The following IFFO1 variants were observed in gnomAD, a reference collection of about 807,000 sequenced individuals.
IFFO1 encodes the protein intermediate filament family orphan 1.
A neutral mutation model predicts 59.6 loss-of-function variants in IFFO1; 42 were observed. That is an observed-to-expected ratio of 0.70 (90% CI 0.55 to 0.91). The LOEUF is 0.91. Ranked by LOEUF, IFFO1 falls within the 40% of genes least tolerant of loss-of-function variation. The probability of loss-of-function intolerance (pLI) is 0.00; values close to 1 mark genes in which losing one functional copy is unlikely to be tolerated. For missense variants in IFFO1, 711 were observed against 793.2 expected (o/e 0.90, Z 1.24); for synonymous variants, 336 against 342.8 (o/e 0.98, Z 0.22).
At chr12:6,546,845 C>T (rs1275332756) in intron 8 of IFFO1, among the ~76,000 whole-genome samples, 4 of 152,156 alleles carry the variant, frequency 2.6e-5, no homozygotes, top group South Asian at 4.1e-4. Context: ...AGCACCAGCT[C>T]CACTTGCCTC....
chr12:6,553,202 C>T (rs963412732), intron 1 of IFFO1, among the ~76,000 whole-genome samples: 2 of 152,144 alleles, frequency 1.3e-5, no homozygotes, highest in African/African-American at 4.8e-5. Context: ...GCCAGTATCA[C>T]GCACCATCCG....
rs748613556 is a variant in IFFO1 at position 6,548,032 on chromosome 12, C to T, written c.1479+33G>A. The T allele has an allele frequency of 1.4e-5, 21 of 1,536,934 alleles. No individual in the cohort carries two copies. The South Asian group carries it at 2.0e-4, about 15-fold the overall frequency. On this transcript the variant is annotated intron_variant, in intron 8 of 9. Transcript: ENST00000619571. This position sits in a 1 kb window ranked among gnomAD's most constrained non-coding sequence, Gnocchi z 6.1. ...CAGCCCCACTCAAAACCCTCTGGGA[C>T]ACCACGCCCCTGGCTTCCGCTCCTG...
At position 6,550,793 on chromosome 12, in the gene IFFO1, GC is replaced by G. The variant is rs762086963; in HGVS notation, c.835-4del. 256 of 1,613,766 alleles carry G rather than the reference GC, an allele frequency of 1.6e-4. 2 individuals carry two copies. The Admixed American group carries it at 4.2e-3, about 27-fold the overall frequency. ...CAGGCATCAGCCTCCTGGGCTTCCT[GC>G]AGTTGGGAGAAACCCTGATGTTGGT... On this transcript the variant is annotated splice_polypyrimidine_tract_variant and splice_region_variant and intron_variant, in intron 2 of 9. Transcript: ENST00000619571.
At chr12:6,554,941 A>C (rs1207986576) in intron 1 of IFFO1, among the ~76,000 whole-genome samples, 2 of 152,160 alleles carry the variant, frequency 1.3e-5, no homozygotes, top group African/African-American at 2.4e-5. Context: ...CAGGGCTGAG[A>C]CCGGTAGGGC....
intron 1 of IFFO1, 115 bp from the exon 2 acceptor site, chr12:6,551,116 G>C: frequency 9.8e-7 from 1 of 1,018,824 alleles, no homozygotes; most frequent in Non-Finnish European, 1.5e-6. Flanking sequence ...TGGTTCCCTG[G>C]ATGGGGAGGA....
At position 6,541,475 on chromosome 12, in the gene IFFO1, C is replaced by T; in HGVS notation, c.1610+37G>A. Reference sequence around the variant, plus strand: ...GTTCCAACCTTTCTCCCCGCTGTGTCCCCCTGGAAGGCCCCATGCCCAGGG... The same window carrying T: ...GTTCCAACCTTTCTCCCCGCTGTGTTCCCCTGGAAGGCCCCATGCCCAGGG... On this transcript the variant is annotated intron_variant, in intron 9 of 9. Transcript: ENST00000619571. The surrounding 1 kb of genome is among the most constrained non-coding windows in gnomAD (Gnocchi z 4.8). 6.2e-7 allele frequency: 1 copy of T among 1,609,380 alleles called. No individual in the cohort carries two copies. The highest frequency in any genetic ancestry group is 2.2e-5 in the East Asian group (1 of 44,878).
chr12:6,553,394 T>G (rs1280775548), intron 1 of IFFO1, among the ~76,000 whole-genome samples: 2 of 152,200 alleles, frequency 1.3e-5, no homozygotes, highest in Non-Finnish European at 2.9e-5. Flanking sequence ...TCCAGAACTG[T>G]GCCTGTGCCA....
At chr12:6,551,526 A>G (rs1366029153) in intron 1 of IFFO1, 1 of 1,258,160 alleles carries the variant, frequency 7.9e-7, no homozygotes, top group African/African-American at 1.5e-5. Flanking sequence ...TAGTGTATCA[A>G]CAGAGTGGGT....
rs1347393928 is a variant in IFFO1 at position 6,539,704 on chromosome 12, G to A, written c.*779C>T. 2 of 152,264 alleles carry A rather than the reference G, an allele frequency of 1.3e-5. No homozygotes were observed. The highest frequency in any genetic ancestry group is 2.4e-5 in the African/African-American group (1 of 41,428). The allele number at this position is 152,264 out of a possible 1,614,324, so 9.4% of individuals were successfully genotyped here. ...TCAGTGTATGACAGACACGGAGGAA[G>A]CACATCTTTAGCTGATACTTAAACA... On this transcript the variant is annotated 3_prime_UTR_variant, in exon 10 of 10. Transcript: ENST00000619571.
rs202216042 is a variant in IFFO1 at position 6,544,166 on chromosome 12, T to TC, written c.1480-2525_1480-2524insG. 7.6e-3 allele frequency among the ~76,000 whole-genome samples: 482 copies of TC among 63,150 alleles called. 2 individuals carry two copies. Among genetic ancestry groups the TC allele is most frequent in the African/African-American group, 0.041 (469 of 11,552 alleles). 41.4% of individuals were successfully genotyped at this position (63,150 alleles called of 152,430 possible). ...GAGGAGTCAGATGATTTGAAAATAC[T>TC]TTTTTTTTTTTTTTTCCTGAGATGG... On this transcript the variant is annotated intron_variant, in intron 8 of 9. Transcript: ENST00000619571.
chr12:6,549,362 C>T lies in IFFO1; in HGVS notation c.1080+114G>A, dbSNP rs116494365. On this transcript the variant is annotated intron_variant, in intron 5 of 9. Transcript: ENST00000619571. The surrounding 1 kb of genome is among the most constrained non-coding windows in gnomAD (Gnocchi z 5.0). ...GGAAGAGCAAGGAAAAGGGAAAGGGCAGAAAAAAATCCGTGCTCAAGAGCC... is the reference window on the plus strand; with the variant it reads ...GGAAGAGCAAGGAAAAGGGAAAGGGTAGAAAAAAATCCGTGCTCAAGAGCC... The T allele has an allele frequency of 1.5e-3, 1,484 of 966,058 alleles. 14 individuals carry two copies. The African/African-American group carries it at 0.022, about 14-fold the overall frequency. The allele number at this position is 966,058 out of a possible 1,614,324, so 59.8% of individuals were successfully genotyped here. A position where few individuals can be genotyped will look rare whatever the true frequency, so the allele number is the denominator to read the frequency against.
chr12:6,548,236 G>GGAGA lies in IFFO1; in HGVS notation c.1384-80_1384-77dup. 6.0e-6 allele frequency: 8 copies of GGAGA among 1,329,728 alleles called. No individual in the cohort carries two copies. The highest frequency in any genetic ancestry group is 7.5e-6 in the Non-Finnish European group (7 of 932,170). The allele number at this position is 1,329,728 out of a possible 1,614,324, so 82.4% of individuals were successfully genotyped here. On this transcript the variant is annotated intron_variant, in intron 7 of 9. Coordinates refer to ENST00000619571, the MANE Select transcript of IFFO1 (RefSeq NM_001193457.2). This position sits in a 1 kb window ranked among gnomAD's most constrained non-coding sequence, Gnocchi z 6.1. ...GACGCATTCCAAAGGGCCAAGTCAG[G>GGAGA]GAGAGAGAGAGAGAGGAAGTCTGGT...
chr12:6,551,512 C>T, intron 1 of IFFO1: 1 of 1,282,166 alleles, frequency 7.8e-7, no homozygotes, highest in Non-Finnish European at 1.0e-6. Flanking sequence ...ATCTGCAGGA[C>T]ACATAGTGTA....
Position 6,541,671 on chromosome 12 carries a change from G to A in IFFO1, c.1480-29C>T. ...TGGTGGGGCAGGCAGGGCCATCGGGGTTAACAGGTGGCGTTCACAGCGCCT... is the reference window on the plus strand; with the variant it reads ...TGGTGGGGCAGGCAGGGCCATCGGGATTAACAGGTGGCGTTCACAGCGCCT... On this transcript the variant is annotated intron_variant, in intron 8 of 9. Transcript: ENST00000619571. The surrounding 1 kb of genome is among the most constrained non-coding windows in gnomAD (Gnocchi z 4.8). 1 of 1,613,002 alleles carries A rather than the reference G, an allele frequency of 6.2e-7. No individual in the cohort carries two copies. Among genetic ancestry groups the A allele is most frequent in the Non-Finnish European group, 8.5e-7 (1 of 1,179,836 alleles).
intron 1 of IFFO1, among the ~76,000 whole-genome samples, chr12:6,554,608 C>A (rs373694837): frequency 6.6e-6 from 1 of 152,230 alleles, no homozygotes; most frequent in African/African-American, 2.4e-5. Context: ...TCTCCCTCCC[C>A]ACTGGCGCTT....
chr12:6,546,609 G>A (rs967855587), intron 8 of IFFO1, among the ~76,000 whole-genome samples: 2 of 152,080 alleles, frequency 1.3e-5, no homozygotes, highest in African/African-American at 2.4e-5. Flanking sequence ...TCAGCCTCCC[G>A]AGTAGCTGGG....
rs1363100251 is a variant in IFFO1, at chr12:6,549,302, G to T, written c.1080+174C>A. 2.1e-5 allele frequency: 14 copies of T among 671,484 alleles called. No homozygotes were observed. The highest frequency in any genetic ancestry group is 3.7e-5 in the Non-Finnish European group (14 of 378,602). 41.6% of individuals were successfully genotyped at this position (671,484 alleles called of 1,614,324 possible). ...CGGGGGAGAAGGGAGAGAAAGAAAT[G>T]CAGTCAAGAGAACAAGAGATAGAGA... On this transcript the variant is annotated intron_variant, in intron 5 of 9. Coordinates refer to ENST00000619571, the MANE Select transcript of IFFO1 (RefSeq NM_001193457.2). The surrounding 1 kb of genome is among the most constrained non-coding windows in gnomAD (Gnocchi z 5.0).
In IFFO1 at chr12:6,548,426, T is replaced by G; in HGVS notation, c.1382A>C (p.Glu461Ala). The G allele has an allele frequency of 6.2e-7, 1 of 1,608,856 alleles. No homozygotes were observed. The highest frequency in any genetic ancestry group is 1.1e-5 in the South Asian group (1 of 90,366). Reference sequence around the variant, plus strand: ...CCTGAGGCCGGGAGCAGAGGTTACCTCTCCCTGGGCCTCTGCAGCTGCCAT... The same window carrying G: ...CCTGAGGCCGGGAGCAGAGGTTACCGCTCCCTGGGCCTCTGCAGCTGCCAT... Reference protein sequence around the residue: ...YAMAAAEAQGEQQEDSLEKVI... With the variant: ...YAMAAAEAQGAQQEDSLEKVI... Residue 461 changes from glutamate (E) to alanine (A), a missense_variant and splice_region_variant, in exon 7 of 10, where the codon GAG becomes GCG. Physicochemically the swap from Glu to Ala is moderately radical, Grantham distance 107. Around this residue, in one of 3 missense-constraint regions of IFFO1, gnomAD observed 579 missense variants for 650.3 expected, o/e 0.89. Coordinates refer to ENST00000619571, the MANE Select transcript of IFFO1 (RefSeq NM_001193457.2). The surrounding 1 kb of genome is among the most constrained non-coding windows in gnomAD (Gnocchi z 6.1).
Position 6,541,374 on chromosome 12 carries a change from C to T in IFFO1, c.1610+138G>A. 1 of 1,108,034 alleles carries T rather than the reference C, an allele frequency of 9.0e-7. No homozygotes were observed. The highest frequency in any genetic ancestry group is 1.6e-5 in the African/African-American group (1 of 64,010). 68.6% of individuals were successfully genotyped at this position (1,108,034 alleles called of 1,614,324 possible). On this transcript the variant is annotated intron_variant, in intron 9 of 9. Transcript: ENST00000619571. The surrounding 1 kb of genome is among the most constrained non-coding windows in gnomAD (Gnocchi z 4.8). ...GAGAGAGCTGTGGGTCTGGGCCAGC[C>T]CCACCAGGTAACTCCCAAAGGGCAG...
Sources: allele counts gnomAD v4.1 joint callset (sites outside exome capture counted in the v4.1 genomes callset), GRCh38; gene constraint gnomAD v4.1.1; regional missense constraint gnomAD v4.1.1; non-coding constraint Gnocchi (gnomAD v3.1); transcripts MANE v1.5; gene names NCBI Gene and HGNC (gene_info 2026-07-23, HGNC 2026-07-21).